HIVEP2: variants seen among roughly 807,000 people sequenced by gnomAD.
HIVEP2 encodes HIVEP zinc finger 2, also known as transcription factor HIVEP2.
Under a neutral mutation model 180.7 loss-of-function variants are expected in HIVEP2, and 14 were observed. The observed-to-expected ratio is 0.08, with a 90% CI of 0.05 to 0.12. HIVEP2 has a LOEUF of 0.12. Among genes scored for constraint, HIVEP2 ranks in the 10% least tolerant of loss-of-function variants. HIVEP2 has a pLI of 1.00. For synonymous variants in HIVEP2, 1,184 were observed against 1,136.4 expected (o/e 1.04, Z -0.84); for missense variants, 2,579 against 3,008.5 (o/e 0.86, Z 3.34).
At chr6:142,785,698 G>C (rs1775982526) in intron 2 of HIVEP2, among the ~76,000 whole-genome samples, 1 of 152,124 alleles carries the variant, frequency 6.6e-6, no homozygotes, top group Non-Finnish European at 1.5e-5. Context: ...TAAGATGATG[G>C]CTACTGGAAA....
At chr6:142,842,790 T>C (rs1044399954) in intron 1 of HIVEP2, among the ~76,000 whole-genome samples, 1 of 151,702 alleles carries the variant, frequency 6.6e-6, no homozygotes, top group South Asian at 2.1e-4. Context: ...TTCTGCTTCT[T>C]AGTATAAGAT....
chr6:142,864,054 C>A (rs2114965735), intron 1 of HIVEP2, among the ~76,000 whole-genome samples: 1 of 152,252 alleles, frequency 6.6e-6, no homozygotes, highest in Middle Eastern at 3.4e-3. Flanking sequence ...TTGCCCCTAC[C>A]ATTGGAAAGA....
At chr6:142,907,238 T>C (rs886763079) in intron 1 of HIVEP2, among the ~76,000 whole-genome samples, 9 of 152,224 alleles carry the variant, frequency 5.9e-5, no homozygotes. Context: ...ATTATTTCTA[T>C]GGGAGTTCAG....
At chr6:142,828,402 T>C (rs75742715) in intron 2 of HIVEP2, among the ~76,000 whole-genome samples, 5 of 152,308 alleles carry the variant, frequency 3.3e-5, no homozygotes, top group African/African-American at 1.2e-4. Flanking sequence ...CAACTCTCAT[T>C]ATCTCACTAA....
At chr6:142,842,341 G>A (rs942615458) in intron 1 of HIVEP2, among the ~76,000 whole-genome samples, 1 of 152,066 alleles carries the variant, frequency 6.6e-6, no homozygotes, top group Admixed American at 6.6e-5. Flanking sequence ...AAATCCACGT[G>A]TTATCTTCCT....
chr6:142,914,056 T>A (rs117286153), intron 1 of HIVEP2, among the ~76,000 whole-genome samples: 8 of 151,508 alleles, frequency 5.3e-5, no homozygotes, highest in Non-Finnish European at 1.2e-4. Context: ...GTCATAGTAC[T>A]GGGGATGGGC....
intron 6 of HIVEP2, 139 bp downstream of exon 6, chr6:142,768,243 G>A: frequency 1.4e-6 from 1 of 720,624 alleles, no homozygotes; most frequent in African/African-American, 1.8e-5. Flanking sequence ...TTACCAGCCA[G>A]AGTTCAGAAC....
intron 4 of HIVEP2, among the ~76,000 whole-genome samples, chr6:142,775,599 G>A (rs1247495115): frequency 6.6e-6 from 1 of 152,134 alleles, no homozygotes; most frequent in Admixed American, 6.5e-5. Flanking sequence ...CATTTGGGGA[G>A]GCTGAGGCAG....
chr6:142,818,730 A>C, intron 2 of HIVEP2, among the ~76,000 whole-genome samples: 1 of 106,244 alleles, frequency 9.4e-6, no homozygotes, highest in Non-Finnish European at 1.9e-5. Flanking sequence ...AAAAGAAAGA[A>C]AGAAAAGAAA....
At chr6:142,844,909 A>C (rs1401655835) in intron 1 of HIVEP2, among the ~76,000 whole-genome samples, 2 of 152,270 alleles carry the variant, frequency 1.3e-5, no homozygotes, top group East Asian at 3.8e-4. Context: ...AACAAAATGC[A>C]AACAGGCACA....
intron 1 of HIVEP2, among the ~76,000 whole-genome samples, chr6:142,937,088 A>G (rs1360475649): frequency 2.0e-5 from 3 of 152,236 alleles, no homozygotes; most frequent in South Asian, 4.1e-4. Flanking sequence ...TTTTTAGAGC[A>G]AAAACTTCAG....
intron 1 of HIVEP2, among the ~76,000 whole-genome samples, chr6:142,851,969 A>T (rs1161757574): frequency 6.6e-6 from 1 of 152,200 alleles, no homozygotes; most frequent in Non-Finnish European, 1.5e-5. Flanking sequence ...TGGCAAGAAA[A>T]TCAAAGTCTT....
At chr6:142,864,375 A>G (rs1042686985) in intron 1 of HIVEP2, among the ~76,000 whole-genome samples, 1 of 152,194 alleles carries the variant, frequency 6.6e-6, no homozygotes, top group African/African-American at 2.4e-5. Context: ...GTTCCTCAAC[A>G]TCACAGCTTA....
intron 1 of HIVEP2, among the ~76,000 whole-genome samples, chr6:142,914,321 T>C (rs1254397793): frequency 1.3e-5 from 2 of 152,252 alleles, no homozygotes; most frequent in East Asian, 1.9e-4. Context: ...TGTTTTCCTT[T>C]CTTAGAGGTA....
chr6:142,836,327 C>G (rs1478790598), intron 2 of HIVEP2, among the ~76,000 whole-genome samples: 1 of 152,054 alleles, frequency 6.6e-6, no homozygotes, highest in South Asian at 2.1e-4. Flanking sequence ...AAGTCCTGTT[C>G]CCACTAAATT....
intron 1 of HIVEP2, among the ~76,000 whole-genome samples, chr6:142,902,143 A>C (rs1460035999): frequency 6.6e-6 from 1 of 152,218 alleles, no homozygotes; most frequent in Non-Finnish European, 1.5e-5. Context: ...GTGTGGGCTG[A>C]CTTCCAAAGA....
intron 1 of HIVEP2, among the ~76,000 whole-genome samples, chr6:142,886,211 G>A (rs919416097): frequency 6.6e-6 from 1 of 152,172 alleles, no homozygotes; most frequent in Non-Finnish European, 1.5e-5. Context: ...TTTGACAAAT[G>A]AGTGAGTGAA....
At chr6:142,848,538 A>G (rs1021302303) in intron 1 of HIVEP2, among the ~76,000 whole-genome samples, 2 of 152,138 alleles carry the variant, frequency 1.3e-5, no homozygotes, top group Non-Finnish European at 2.9e-5. Context: ...TGAGCAACAT[A>G]GTGAGACTCT....
chr6:142,917,041 G>A (rs556058201), intron 1 of HIVEP2, among the ~76,000 whole-genome samples: 73 of 152,234 alleles, frequency 4.8e-4, no homozygotes, highest in African/African-American at 1.6e-3. Context: ...TATTTTAAAT[G>A]CACTTCTTCT....
Sources: allele counts gnomAD v4.1 joint callset (sites outside exome capture counted in the v4.1 genomes callset), GRCh38; gene constraint gnomAD v4.1.1; transcripts MANE v1.5; gene names NCBI Gene and HGNC (gene_info 2026-07-23, HGNC 2026-07-21).